The following ME1 variants were observed in gnomAD, a reference collection of about 807,000 sequenced individuals.
The protein encoded by ME1 is NADP-dependent malic enzyme.
In ME1, 74 loss-of-function variants were observed where a neutral mutation model predicts 66.4. That is an observed-to-expected ratio of 1.11 (90% CI 0.92 to 1.35). The LOEUF is 1.35. Ranked by LOEUF, ME1 falls within the 40% of genes most tolerant of loss-of-function variation. ME1 has a pLI of 0.00. For missense variants in ME1, 750 were observed against 694.1 expected, an observed-to-expected ratio of 1.08 and a Z score of -0.90; for synonymous variants, 251 against 235.6, an observed-to-expected ratio of 1.07 and a Z score of -0.60.
intron 12 of ME1, among the ~76,000 whole-genome samples, chr6:83,221,929 G>T (rs998757556): frequency 6.6e-6 from 1 of 152,304 alleles, no homozygotes; most frequent in Non-Finnish European, 1.5e-5. Flanking sequence ...AAGAGATGCA[G>T]CCAGAGAGAT....
At chr6:83,225,306 T>G (rs1181743950) in intron 11 of ME1, among the ~76,000 whole-genome samples, 1 of 148,820 alleles carries the variant, frequency 6.7e-6, no homozygotes, top group African/African-American at 2.5e-5. Flanking sequence ...ATGGTGAGAG[T>G]GGACATCTAG....
chr6:83,261,502 G>C (rs895021479), intron 6 of ME1, among the ~76,000 whole-genome samples: 1 of 119,610 alleles, frequency 8.4e-6, no homozygotes, highest in East Asian at 2.5e-4. Context: ...TGTTGTGATT[G>C]TTTTTGCCAT....
intron 3 of ME1, among the ~76,000 whole-genome samples, chr6:83,396,592 G>C (rs1769735625): frequency 6.6e-6 from 1 of 151,992 alleles, no homozygotes; most frequent in Admixed American, 6.6e-5. Context: ...GAGTTCCAAT[G>C]ACATTTTTTC....
chr6:83,350,871 A>G (rs985490039), intron 4 of ME1, among the ~76,000 whole-genome samples: 4 of 151,250 alleles, frequency 2.6e-5, no homozygotes, highest in African/African-American at 9.7e-5. Context: ...GCTTTATACA[A>G]TTAAGATGTT....
intron 7 of ME1, among the ~76,000 whole-genome samples, chr6:83,243,063 G>A (rs1790536752): frequency 6.6e-6 from 1 of 151,746 alleles, no homozygotes; most frequent in Non-Finnish European, 1.5e-5. Flanking sequence ...TTTGAGACCA[G>A]CCTGGGCAAC....
In ME1 at chr6:83,359,726, C is replaced by T. The variant is rs183365094; in HGVS notation, c.363-7587G>A. Among the ~76,000 whole-genome samples, 3 of 152,242 alleles carry T rather than the reference C, an allele frequency of 2.0e-5. No homozygotes were observed. In the East Asian group the frequency reaches 5.8e-4, roughly 29 times the overall value. ...CTGACTCATCCCAGTAGGGTGGGTC[C>T]AGAAGATATACCCTTGACCAATGTC... On this transcript the variant is annotated intron_variant, in intron 3 of 13. Transcript: ENST00000369705.
intron 3 of ME1, among the ~76,000 whole-genome samples, chr6:83,352,473 G>C (rs1172264792): frequency 6.6e-6 from 1 of 152,114 alleles, no homozygotes; most frequent in Non-Finnish European, 1.5e-5. Context: ...TTTAGAATCT[G>C]TCATGATATA....
intron 7 of ME1, among the ~76,000 whole-genome samples, chr6:83,240,435 C>T (rs1042290589): frequency 7.9e-5 from 12 of 152,054 alleles, no homozygotes; most frequent in Non-Finnish European, 1.8e-4. Context: ...CTCATCATGT[C>T]TCATAGGCAT....
rs1051682306 is a variant in ME1 at position 83,357,902 on chromosome 6, C to CCTCTCTCTCTCTCTCT, written c.363-5779_363-5764dup. On this transcript the variant is annotated intron_variant, in intron 3 of 13. Transcript: ENST00000369705. The stretch of plus-strand genomic sequence containing the variant: ...TGTTAGTTAATACTTAATAAACTCC[C>CCTCTCTCTCTCTCTCT]CTCTCTCTCTCTCTCTCTCTCTCTC... Among the ~76,000 whole-genome samples, 39 of 31,530 alleles carry CCTCTCTCTCTCTCTCT rather than the reference C, an allele frequency of 1.2e-3. 5 individuals carry two copies. The highest frequency in any genetic ancestry group is 1.8e-3 in the African/African-American group (13 of 7,194). 20.7% of individuals were successfully genotyped at this position (31,530 alleles called of 152,430 possible).
intron 2 of ME1, among the ~76,000 whole-genome samples, chr6:83,405,606 G>C (rs1223768627): frequency 6.6e-6 from 1 of 151,986 alleles, no homozygotes; most frequent in East Asian, 1.9e-4. Context: ...AGTGCTTCCA[G>C]CTTTCGCCCA....
At chr6:83,368,119 T>C (rs1769133550) in intron 3 of ME1, among the ~76,000 whole-genome samples, 1 of 151,948 alleles carries the variant, frequency 6.6e-6, no homozygotes, top group Non-Finnish European at 1.5e-5. Flanking sequence ...AAAACACATA[T>C]TTATGGGTTA....
chr6:83,260,045 C>T (rs960084664), intron 6 of ME1, among the ~76,000 whole-genome samples: 2 of 152,066 alleles, frequency 1.3e-5, no homozygotes, highest in African/African-American at 2.4e-5. Context: ...AAATTTTATA[C>T]TATGAATCTT....
At chr6:83,410,233 A>T (rs1355203629) in intron 1 of ME1, among the ~76,000 whole-genome samples, 1 of 152,182 alleles carries the variant, frequency 6.6e-6, no homozygotes, top group Non-Finnish European at 1.5e-5. Flanking sequence ...CATAGTCAAT[A>T]GAATATTTAT....
intron 3 of ME1, among the ~76,000 whole-genome samples, chr6:83,375,278 T>C (rs1057366467): frequency 1.3e-5 from 2 of 152,178 alleles, no homozygotes; most frequent in African/African-American, 4.8e-5. Flanking sequence ...CCTCGAGCAG[T>C]GGTTTGTAGT....
chr6:83,387,322 G>A (rs762098968), intron 3 of ME1, among the ~76,000 whole-genome samples: 3 of 151,910 alleles, frequency 2.0e-5, no homozygotes, highest in Non-Finnish European at 2.9e-5. Context: ...ACTATACAAC[G>A]AGAACATTTT....
Position 83,223,833 on chromosome 6 carries a change from G to C in ME1, c.1376C>G (p.Pro459Arg), listed in dbSNP as rs748398096. The C allele has an allele frequency of 8.1e-5, 130 of 1,613,940 alleles. No homozygotes were observed. In the Middle Eastern group the frequency reaches 9.9e-4, roughly 12 times the overall value. Residue 459 changes from proline to arginine, a missense_variant, in exon 12 of 14, where the codon CCT (proline) becomes CGT (arginine). Transcript: ENST00000369705. ...PGQGNNSYVFPGVALGVVACG... is the reference protein window; with the variant it reads ...PGQGNNSYVFRGVALGVVACG... ...CGCCACAACACCAAGAGCAACTCCA[G>C]GGAACACATAGGAATTGTTGCCTTG...
At chr6:83,215,612 G>A (rs1005465265) in intron 13 of ME1, among the ~76,000 whole-genome samples, 2 of 152,122 alleles carry the variant, frequency 1.3e-5, no homozygotes, top group Non-Finnish European at 2.9e-5. Context: ...AATCCAATTT[G>A]ATAGGTGTCC....
chr6:83,288,650 T>C (rs549642381), intron 6 of ME1, among the ~76,000 whole-genome samples: 1 of 152,284 alleles, frequency 6.6e-6, no homozygotes, highest in East Asian at 1.9e-4. Flanking sequence ...TCTTTTTTGG[T>C]TCCATATGAA....
intron 5 of ME1, among the ~76,000 whole-genome samples, chr6:83,322,951 G>C (rs375090807): frequency 5.9e-5 from 9 of 152,330 alleles, no homozygotes; most frequent in African/African-American, 2.2e-4. Flanking sequence ...ACTAACAGTG[G>C]ATCTCTCTGC....
Sources: gnomAD v4.1 joint callset for allele counts (sites outside exome capture counted in the v4.1 genomes callset) on GRCh38, gnomAD v4.1.1 for gene constraint, MANE v1.5 for transcripts, NCBI Gene and HGNC (gene_info 2026-07-23, HGNC 2026-07-21) for gene names.